MPP2: variants seen among roughly 807,000 people sequenced by gnomAD.
The protein encoded by MPP2 is MAGUK p55 scaffold protein 2.
A neutral mutation model predicts 58.5 loss-of-function variants in MPP2; 42 were observed. The ratio of observed to expected loss-of-function variants is 0.72; its 90% CI spans 0.56 to 0.93. MPP2 has a LOEUF of 0.93. Ranked by LOEUF, MPP2 falls within the 40% of genes least tolerant of loss-of-function variation. MPP2 has a pLI of 0.00. For missense variants in MPP2, 632 were observed against 760.4 expected (o/e 0.83, Z 1.99); for synonymous variants, 300 against 307.8 (o/e 0.97, Z 0.26).
intron 3 of MPP2, among the ~76,000 whole-genome samples, chr17:43,890,215 G>A (rs231508): frequency 0.8 from 121,779 of 152,078 alleles, 49,749 homozygotes; most frequent in East Asian, 1. Context: ...TTCCCTTACT[G>A]CTTTTTTACT....
intron 2 of MPP2, among the ~76,000 whole-genome samples, chr17:43,904,107 C>T (rs181436486): frequency 2.0e-5 from 3 of 152,312 alleles, no homozygotes; most frequent in African/African-American, 7.2e-5. Flanking sequence ...CTCCTGAAGG[C>T]CTGGTCCTAT....
chr17:43,899,773 G>C (rs1000894180), intron 2 of MPP2, among the ~76,000 whole-genome samples: 1 of 152,038 alleles, frequency 6.6e-6, no homozygotes, highest in African/African-American at 2.4e-5. Flanking sequence ...CAGCTGGGCC[G>C]CAACAATGCC....
At position 43,879,246 on chromosome 17, in the gene MPP2, A is replaced by G. The variant is rs779293817; in HGVS notation, c.1482+29T>C. On this transcript the variant is annotated intron_variant, in intron 12 of 12. Transcript: ENST00000269095. The surrounding 1 kb of genome is among the most constrained non-coding windows in gnomAD (Gnocchi z 4.1). ...CCCCACCACCCTAGGCAGCTATCAG[A>G]CCCCTCCCCCACACCTCAGAGCCCT... is the stretch of plus-strand genomic sequence containing the variant. 6.9e-6 allele frequency: 11 copies of G among 1,591,304 alleles called. No individual in the cohort carries two copies. Among genetic ancestry groups the G allele is most frequent in the Non-Finnish European group, 7.7e-6 (9 of 1,164,704 alleles).
chr17:43,894,616 GAAAAAAAA>G lies in MPP2; in HGVS notation c.150+3638_150+3645del, dbSNP rs36073194. On this transcript the variant is annotated intron_variant, in intron 3 of 12. Transcript: ENST00000269095. Reference sequence around the variant, plus strand: ...TGGGCAACAGAGTGAGACTCCAGAGGAAAAAAAAAAAAAAAAAAAAAGCACACATAACA... The same window carrying G: ...TGGGCAACAGAGTGAGACTCCAGAGGAAAAAAAAAAAAAGCACACATAACA... Among the ~76,000 whole-genome samples the G allele has an allele frequency of 6.1e-5, 4 of 66,086 alleles. No individual in the cohort carries two copies. The Admixed American group carries it at 6.8e-4, about 11-fold the overall frequency. 43.4% of individuals were successfully genotyped at this position (66,086 alleles called of 152,430 possible). A position where few individuals can be genotyped will look rare whatever the true frequency, so the allele number is the denominator to read the frequency against.
intron 2 of MPP2, chr17:43,900,491 T>G: frequency 1.3e-6 from 2 of 1,548,772 alleles, no homozygotes; most frequent in Non-Finnish European, 1.7e-6. Flanking sequence ...GAGCTCCGCT[T>G]CCTCAGAAGA....
At chr17:43,887,039 G>A (rs2047397831) in intron 3 of MPP2, among the ~76,000 whole-genome samples, 1 of 109,750 alleles carries the variant, frequency 9.1e-6, no homozygotes, top group South Asian at 3.7e-4. Context: ...TGCTTGTGGT[G>A]TTTTTGCATG....
intron 1 of MPP2, chr17:43,907,067 G>T: frequency 1.5e-6 from 1 of 680,084 alleles, no homozygotes; most frequent in Non-Finnish European, 1.8e-6. Context: ...GGGCCACCGG[G>T]ACCCAGCGCA....
intron 3 of MPP2, among the ~76,000 whole-genome samples, chr17:43,888,961 C>G (rs2047484695): frequency 6.6e-6 from 1 of 151,902 alleles, no homozygotes; most frequent in Non-Finnish European, 1.5e-5. Flanking sequence ...GAGTCTCACT[C>G]TGTAGTCCAA....
Position 43,879,938 on chromosome 17 carries a change from G to A in MPP2, c.1197C>T (p.Tyr399=), listed in dbSNP as rs1485159119. The change falls in exon 11 of 13, where the codon TAC becomes TAT. Residue 399 remains tyrosine (Y), a synonymous_variant. Transcript: ENST00000269095. The surrounding 1 kb of genome is among the most constrained non-coding windows in gnomAD (Gnocchi z 4.1). ...PKDSEREGQG[Y]SFVSRGEMEA... ...CCATCTCCCCACGGGACACAAAGCTGTAACCCTGACCTTCCCGCTCTGAGT... is the reference window on the plus strand; with the variant it reads ...CCATCTCCCCACGGGACACAAAGCTATAACCCTGACCTTCCCGCTCTGAGT... 2 of 1,614,124 alleles carry A rather than the reference G, an allele frequency of 1.2e-6. No homozygotes were observed.
intron 6 of MPP2, 118 bp downstream of exon 6, chr17:43,882,166 C>CT: frequency 4.0e-6 from 4 of 994,538 alleles, no homozygotes; most frequent in Non-Finnish European, 6.0e-6. Flanking sequence ...GCTGCAGGTC[C>CT]CACCCCCATC....
chr17:43,898,430 A>C (rs2047942969), intron 2 of MPP2, 50 bp from the exon 3 acceptor site: 3 of 1,366,578 alleles, frequency 2.2e-6, no homozygotes, highest in South Asian at 2.4e-5. Context: ...CTGGGTACAG[A>C]AGACCAAAAC....
upstream of MPP2, among the ~76,000 whole-genome samples, chr17:43,908,435 T>C (rs1256448351): frequency 1.3e-5 from 2 of 152,148 alleles, no homozygotes; most frequent in Non-Finnish European, 2.9e-5. Flanking sequence ...CCTAAGATCA[T>C]AAATGGACTG....
At chr17:43,893,155 G>A (rs1334619725) in intron 3 of MPP2, among the ~76,000 whole-genome samples, 1 of 152,216 alleles carries the variant, frequency 6.6e-6, no homozygotes. Context: ...CTGCTTTGAA[G>A]GGTATTGGCA....
In MPP2 at chr17:43,892,797, A is replaced by G. The variant is rs115639394; in HGVS notation, c.150+5465T>C. Among the ~76,000 whole-genome samples the G allele has an allele frequency of 7.0e-3, 1,072 of 152,286 alleles. 17 individuals carry two copies. Among genetic ancestry groups the G allele is most frequent in the African/African-American group, 0.024 (1,013 of 41,566 alleles). On this transcript the variant is annotated intron_variant, in intron 3 of 12. Coordinates refer to ENST00000269095, the MANE Select transcript of MPP2 (RefSeq NM_005374.5). ...TTTCCAGAGAAGGGAGTTTACTTAC[A>G]ATGTGACACAGCACATTGGTTCATT...
At position 43,883,040 on chromosome 17, in the gene MPP2, T is replaced by A; in HGVS notation, c.316A>T (p.Thr106Ser). 1 of 1,613,042 alleles carries A rather than the reference T, an allele frequency of 6.2e-7. No individual in the cohort carries two copies. The stretch of plus-strand genomic sequence containing the variant: ...GTCTTTGAGGCCACAGAGTCGTGCG[T>A]CTCCAGGAGGGACTGGGGGGTGGTG... Reference protein sequence around the residue: ...QEPHFQSLLETHDSVASKTYE... With the variant: ...QEPHFQSLLESHDSVASKTYE... Residue 106 changes from threonine (T) to serine (S), a missense_variant, in exon 5 of 13, where the codon ACG (threonine) becomes TCG (serine). Coordinates refer to ENST00000269095, the MANE Select transcript of MPP2 (RefSeq NM_005374.5).
At chr17:43,882,541 C>A in intron 5 of MPP2, 30 bp from the exon 6 acceptor site, 2 of 1,591,050 alleles carry the variant, frequency 1.3e-6, no homozygotes, top group Non-Finnish European at 1.7e-6. Flanking sequence ...TAAGATGAGG[C>A]CCCAATTGCT....
chr17:43,900,021 GC>G (rs1170626873), intron 2 of MPP2, among the ~76,000 whole-genome samples: 2 of 152,178 alleles, frequency 1.3e-5, no homozygotes, highest in Admixed American at 6.5e-5. Context: ...TCTTGTCAGT[GC>G]CCCCCTCCTC....
At position 43,881,520 on chromosome 17, in the gene MPP2, G is replaced by A; in HGVS notation, c.751C>T (p.Leu251=). 6.2e-7 allele frequency: 1 copy of A among 1,614,172 alleles called. No individual in the cohort carries two copies. The highest frequency in any genetic ancestry group is 8.5e-7 in the Non-Finnish European group (1 of 1,180,022). ...AGCAAGTCCCCGGCGTTGAAGCGCA[G>A]GCCTGCTTCCTTGCAGGGGATGAGG... ...DSLIPCKEAG[L]RFNAGDLLQI... is the part of the protein sequence containing the mutation. Residue 251 remains leucine (L), a synonymous_variant, in exon 7 of 13, where the codon CTG becomes TTG. Coordinates refer to ENST00000269095, the MANE Select transcript of MPP2 (RefSeq NM_005374.5).
Position 43,877,582 on chromosome 17 carries a change from T to G in MPP2, c.*225A>C, listed in dbSNP as rs1363199699. 5.4e-6 allele frequency: 3 copies of G among 560,220 alleles called. No individual in the cohort carries two copies. The highest frequency in any genetic ancestry group is 3.0e-5 in the Admixed American group (1 of 33,162). 34.7% of individuals were successfully genotyped at this position (560,220 alleles called of 1,614,324 possible). A position where few individuals can be genotyped will look rare whatever the true frequency, so the allele number is the denominator to read the frequency against. On this transcript the variant is annotated 3_prime_UTR_variant, in exon 13 of 13. Coordinates refer to ENST00000269095, the MANE Select transcript of MPP2 (RefSeq NM_005374.5). The stretch of plus-strand genomic sequence containing the variant: ...AGAGATATCTGGTGACCAATGGGCA[T>G]CAGGAGTGGGCAGCACCTGGGCACA...
Sources: gnomAD v4.1 joint callset for allele counts (sites outside exome capture counted in the v4.1 genomes callset) on GRCh38, gnomAD v4.1.1 for gene constraint, Gnocchi (gnomAD v3.1) non-coding constraint, MANE v1.5 for transcripts, NCBI Gene and HGNC (gene_info 2026-07-23, HGNC 2026-07-21) for gene names.